CEP152: variants seen among roughly 807,000 people sequenced by gnomAD.
The protein encoded by CEP152 is centrosomal protein of 152 kDa.
Under a neutral mutation model 188.9 loss-of-function variants are expected in CEP152, and 132 were observed. The ratio of observed to expected loss-of-function variants is 0.70; its 90% CI spans 0.61 to 0.81. The LOEUF is 0.81. CEP152 is among the 30% of genes least tolerant of loss of function. The pLI is 0.00. For missense variants in CEP152, 1,914 were observed against 1,969.8 expected, an observed-to-expected ratio of 0.97 and a Z score of 0.54; for synonymous variants, 649 against 666.6, an observed-to-expected ratio of 0.97 and a Z score of 0.41.
At chr15:48,748,351 C>T in intron 22 of CEP152, 92 bp downstream of exon 22, 1 of 1,333,720 alleles carries the variant, frequency 7.5e-7, no homozygotes, top group Non-Finnish European at 9.6e-7. Flanking sequence ...AAAAGAGGAT[C>T]AGTGCACACA....
Position 48,756,226 on chromosome 15 carries a change from G to A in CEP152, c.3022C>T (p.Leu1008=), listed in dbSNP as rs1054434594. ...KEDFMKQKTE[L]LLQKETELQT... is the part of the protein sequence containing the mutation. ...AATTCTGTCTCCTTCTGAAGAAGTA[G>A]TTCAGTTTTTTGTTTCATAAAGTCT... Residue 1008 remains leucine (L), a synonymous_variant, in exon 20 of 27, where the codon CTA becomes TTA. Coordinates refer to ENST00000380950, the MANE Select transcript of CEP152 (RefSeq NM_001194998.2). 1 of 1,611,050 alleles carries A rather than the reference G, an allele frequency of 6.2e-7. No individual in the cohort carries two copies. The highest frequency in any genetic ancestry group is 8.5e-7 in the Non-Finnish European group (1 of 1,178,364).
chr15:48,794,675 T>C (rs78632947), intron 6 of CEP152, among the ~76,000 whole-genome samples: 3,845 of 152,324 alleles, frequency 0.025, 114 homozygotes, highest in East Asian at 0.08. Context: ...GGTTTTTATA[T>C]GCAGAAAGAC....
intron 24 of CEP152, among the ~76,000 whole-genome samples, chr15:48,742,737 C>T (rs1263816313): frequency 6.6e-6 from 1 of 151,838 alleles, no homozygotes; most frequent in East Asian, 1.9e-4. Flanking sequence ...AAACATAGCC[C>T]ACAGCTTTCA....
Position 48,782,121 on chromosome 15 carries a change from C to T in CEP152, c.1413+18G>A. 6.2e-7 allele frequency: 1 copy of T among 1,604,468 alleles called. No individual in the cohort carries two copies. ...AATTCAGATACCCATAGAGCCTCTT[C>T]CAAGTGGCAACACTCACTTGCAAAG... On this transcript the variant is annotated intron_variant, in intron 11 of 26. Coordinates refer to ENST00000380950, the MANE Select transcript of CEP152 (RefSeq NM_001194998.2).
At chr15:48,791,539 T>TTTAC (rs779044828) in intron 7 of CEP152, among the ~76,000 whole-genome samples, 163 bp from the exon 8 acceptor site, 4 of 152,124 alleles carry the variant, frequency 2.6e-5, no homozygotes, top group South Asian at 2.1e-4. Context: ...AAATAAAGAA[T>TTTAC]TTACTTACTT....
chr15:48,766,919 G>T (rs1895154081), intron 17 of CEP152, 141 bp downstream of exon 17: 7 of 1,019,142 alleles, frequency 6.9e-6, no homozygotes, highest in South Asian at 6.5e-5. Flanking sequence ...TGAGCTATAT[G>T]AGTGTGATAC....
chr15:48,759,076 C>A (rs2140690661), intron 19 of CEP152, among the ~76,000 whole-genome samples: 1 of 152,184 alleles, frequency 6.6e-6, no homozygotes, highest in Admixed American at 6.5e-5. Flanking sequence ...TTCAGACATA[C>A]TAAAAAATAT....
intron 12 of CEP152, among the ~76,000 whole-genome samples, chr15:48,777,621 TGTAA>T (rs758448872): frequency 3.3e-5 from 5 of 152,002 alleles, no homozygotes; most frequent in Non-Finnish European, 4.4e-5. Context: ...ATATATATTT[TGTAA>T]GTAGTCTGTC....
chr15:48,752,235 C>T, intron 21 of CEP152, 114 bp downstream of exon 21: 1 of 1,564,790 alleles, frequency 6.4e-7, no homozygotes, highest in Non-Finnish European at 8.8e-7. Context: ...GACATTAAGT[C>T]AGACGATTAT....
At chr15:48,808,992 G>C (rs1175918050) in intron 1 of CEP152, among the ~76,000 whole-genome samples, 1 of 152,134 alleles carries the variant, frequency 6.6e-6, no homozygotes, top group East Asian at 1.9e-4. Context: ...ACTATAAAAA[G>C]TATGTCTTGT....
rs759030964 is a variant in CEP152 at position 48,742,075 on chromosome 15, C to T, written c.3861G>A (p.Glu1287=). The T allele has an allele frequency of 1.2e-6, 2 of 1,614,096 alleles. No homozygotes were observed. Among genetic ancestry groups the T allele is most frequent in the South Asian group, 2.2e-5 (2 of 91,082 alleles). ...CCATTTCTGCAGCTCGTTCCTTACT[C>T]TCCTGAATATAACGAAGCATGTCAC... is the stretch of plus-strand genomic sequence containing the variant. ...IKCDMLRYIQ[E]SKERAAEMVK... Residue 1287 remains glutamate, a synonymous_variant, in exon 25 of 27, where the codon GAG becomes GAA. Coordinates refer to ENST00000380950, the MANE Select transcript of CEP152 (RefSeq NM_001194998.2).
intron 13 of CEP152, among the ~76,000 whole-genome samples, chr15:48,769,458 G>A (rs7178910): frequency 0.98 from 149,944 of 152,292 alleles, 73,869 homozygotes; most frequent in Middle Eastern, 1. Flanking sequence ...GTTATTTTGT[G>A]GGATGTTCCT....
At chr15:48,767,664 A>C (rs546673704) in intron 15 of CEP152, among the ~76,000 whole-genome samples, 1 of 152,326 alleles carries the variant, frequency 6.6e-6, no homozygotes, top group Admixed American at 6.5e-5. Context: ...CTTTCTTCAA[A>C]TGTTTCTAGA....
At chr15:48,786,022 A>G (rs1190376998) in intron 9 of CEP152, among the ~76,000 whole-genome samples, 1 of 152,088 alleles carries the variant, frequency 6.6e-6, no homozygotes, top group Non-Finnish European at 1.5e-5. Flanking sequence ...GGACTGGACC[A>G]CACACAGAGA....
intron 22 of CEP152, 73 bp from the exon 23 acceptor site, chr15:48,745,065 T>A (rs1368615843): frequency 2.8e-6 from 3 of 1,055,962 alleles, no homozygotes; most frequent in African/African-American, 3.3e-5. Context: ...AAGTTCCCAA[T>A]ACAAATGTTT....
At chr15:48,734,786 TA>T (rs1352111757), downstream of CEP152, among the ~76,000 whole-genome samples, 1 of 152,158 alleles carries the variant, frequency 6.6e-6, no homozygotes, top group Non-Finnish European at 1.5e-5. Context: ...CAAAGAGGGA[TA>T]TTTTAAAATA....
chr15:48,805,460 A>T (rs1342714454), intron 2 of CEP152, 103 bp downstream of exon 2: 1 of 1,447,348 alleles, frequency 6.9e-7, no homozygotes, highest in African/African-American at 1.4e-5. Flanking sequence ...AAAAATCCAA[A>T]TCCCTTCAAA....
chr15:48,761,658 T>C (rs1410623053), intron 18 of CEP152, among the ~76,000 whole-genome samples: 1 of 152,186 alleles, frequency 6.6e-6, no homozygotes, highest in Non-Finnish European at 1.5e-5. Flanking sequence ...TCTCAGATTT[T>C]CCAATAGTGT....
At chr15:48,763,337 G>C (rs1894833161) in intron 17 of CEP152, among the ~76,000 whole-genome samples, 1 of 152,152 alleles carries the variant, frequency 6.6e-6, no homozygotes, top group African/African-American at 2.4e-5. Context: ...TGTTTCCCTG[G>C]CTACCAGATC....
Sources: gnomAD v4.1 joint callset for allele counts (sites outside exome capture counted in the v4.1 genomes callset) on GRCh38, gnomAD v4.1.1 for gene constraint, MANE v1.5 for transcripts, NCBI Gene and HGNC (gene_info 2026-07-23, HGNC 2026-07-21) for gene names.